Variants in SCAPER observed in about 807,000 individuals in gnomAD.
SCAPER encodes S-phase cyclin A associated protein in the ER.
In SCAPER, 98 loss-of-function variants were observed where a neutral mutation model predicts 182.2. That is an observed-to-expected ratio of 0.54 (90% confidence interval 0.46 to 0.64). The LOEUF is 0.64. SCAPER is among the 30% of genes least tolerant of loss of function. The probability of loss-of-function intolerance (pLI) is 0.00; values close to 1 mark genes in which losing one functional copy is unlikely to be tolerated. For synonymous variants in SCAPER, 605 were observed against 564.6 expected (o/e 1.07, Z -1.01); for missense variants, 1,432 against 1,690.0 (o/e 0.85, Z 2.68).
At chr15:76,631,665 G>A (rs1337554094) in intron 21 of SCAPER, among the ~76,000 whole-genome samples, 1 of 152,200 alleles carries the variant, frequency 6.6e-6, no homozygotes, top group African/African-American at 2.4e-5. Flanking sequence ...CTGTTAGTCT[G>A]ATGGGCTTCC....
In SCAPER at chr15:76,841,946, T is replaced by TA. The variant is rs1568310255; in HGVS notation, c.196-16dup. 6.3e-7 allele frequency: 1 copy of TA among 1,591,726 alleles called. No individual in the cohort carries two copies. The highest frequency in any genetic ancestry group is 8.5e-7 in the Non-Finnish European group (1 of 1,171,412). ...ACTGCAGTACTCTGGTGAAGTAAAA[T>TA]AAAACATGAAAATAAATAAATAAAA... is the stretch of plus-strand genomic sequence containing the variant. On this transcript the variant is annotated splice_polypyrimidine_tract_variant and intron_variant, in intron 4 of 31. Coordinates refer to ENST00000563290, the MANE Select transcript of SCAPER (RefSeq NM_020843.4).
intron 22 of SCAPER, among the ~76,000 whole-genome samples, chr15:76,582,542 C>T (rs1340703403): frequency 6.6e-6 from 1 of 152,140 alleles, no homozygotes; most frequent in Non-Finnish European, 1.5e-5. Context: ...TCAATGCAAT[C>T]TATCAAAATA....
chr15:76,432,725 C>T (rs780557537), intron 26 of SCAPER, among the ~76,000 whole-genome samples: 4 of 152,206 alleles, frequency 2.6e-5, no homozygotes, highest in Non-Finnish European at 5.9e-5. Context: ...TAGAAGGAAA[C>T]AGGGCTGACC....
chr15:76,483,295 CAAA>C (rs61261703), intron 24 of SCAPER, among the ~76,000 whole-genome samples: 25 of 132,986 alleles, frequency 1.9e-4, no homozygotes, highest in African/African-American at 2.5e-4. Flanking sequence ...TATTCACATG[CAAA>C]AAAAAAAAAA....
rs1027592593 is a variant in SCAPER at position 76,683,207 on chromosome 15, A to G, written c.2509-17418T>C. On this transcript the variant is annotated intron_variant, in intron 20 of 31. Transcript: ENST00000563290. ...AAATGAAACACTCATTTTATGAAAA[A>G]AAAAATTGATCTGATAGAGCTGAAA... Among the ~76,000 whole-genome samples the G allele has an allele frequency of 3.9e-5, 6 of 152,316 alleles. No individual in the cohort carries two copies. In the South Asian group the frequency reaches 1.2e-3, roughly 32 times the overall value.
chr15:76,876,438 CAA>C (rs33959211), intron 2 of SCAPER, among the ~76,000 whole-genome samples: 48,448 of 122,962 alleles, frequency 0.39, 9,707 homozygotes, highest in Middle Eastern at 0.54. Flanking sequence ...AAAACAAAAG[CAA>C]AAAAAAAAAA....
At chr15:76,722,448 A>C (rs1341187840) in intron 17 of SCAPER, among the ~76,000 whole-genome samples, 1 of 152,202 alleles carries the variant, frequency 6.6e-6, no homozygotes, top group Admixed American at 6.5e-5. Flanking sequence ...TCATAAAATG[A>C]GTTAGAGAGG....
chr15:76,435,304 G>A (rs1264696099), intron 25 of SCAPER, among the ~76,000 whole-genome samples: 4 of 152,124 alleles, frequency 2.6e-5, no homozygotes, highest in African/African-American at 9.7e-5. Context: ...AATATTCACA[G>A]CTAATCTACT....
In SCAPER at chr15:76,599,494, G is replaced by T. The variant is rs1333203165; in HGVS notation, c.2711+22270C>A. Among the ~76,000 whole-genome samples the T allele has an allele frequency of 1.6e-5, 2 of 121,628 alleles. 1 individual carries two copies. The allele number at this position is 121,628 out of a possible 152,430, so 79.8% of individuals were successfully genotyped here. ...AGAGCCCAAGTATCCATCATTAGTG[G>T]AATACACAAACAAATCAAGGCTACA... On this transcript the variant is annotated intron_variant, in intron 22 of 31. Coordinates refer to ENST00000563290, the MANE Select transcript of SCAPER (RefSeq NM_020843.4).
At chr15:76,383,375 G>A (rs774520317) in intron 27 of SCAPER, among the ~76,000 whole-genome samples, 12 of 152,038 alleles carry the variant, frequency 7.9e-5, no homozygotes, top group Non-Finnish European at 1.8e-4. Context: ...ATTTTACTTT[G>A]CTAGCTGCAT....
intron 2 of SCAPER, among the ~76,000 whole-genome samples, chr15:76,865,614 G>T (rs1489120866): frequency 1.3e-5 from 2 of 152,102 alleles, no homozygotes; most frequent in Admixed American, 6.6e-5. Context: ...GAGACAAATT[G>T]TGTTATGGTA....
intron 25 of SCAPER, among the ~76,000 whole-genome samples, chr15:76,466,419 C>CTTTTTTTTTTTT: frequency 8.3e-4 from 31 of 37,408 alleles, no homozygotes; most frequent in Non-Finnish European, 1.2e-3. Context: ...GTTGGTTCTT[C>CTTTTTTTTTTTT]TTTTTTTTTT....
At chr15:76,800,738 C>T (rs1451989266) in intron 6 of SCAPER, among the ~76,000 whole-genome samples, 2 of 152,212 alleles carry the variant, frequency 1.3e-5, no homozygotes, top group Non-Finnish European at 2.9e-5. Flanking sequence ...CTACTTGTCT[C>T]TGATGTCCTG....
chr15:76,724,285 C>A (rs528415908), intron 17 of SCAPER, among the ~76,000 whole-genome samples: 1 of 152,064 alleles, frequency 6.6e-6, no homozygotes, highest in East Asian at 1.9e-4. Flanking sequence ...GAGTTTCTGC[C>A]GAGAGATCAG....
chr15:76,883,990 C>A (rs887430054), intron 1 of SCAPER, 114 bp from the exon 2 acceptor site: 4 of 570,680 alleles, frequency 7.0e-6, no homozygotes, highest in Middle Eastern at 4.7e-4. Context: ...ACAAAAAAAA[C>A]TGCTCCTTTA....
In SCAPER at chr15:76,484,167, C is replaced by T. The variant is rs78492970; in HGVS notation, c.2955-12832G>A. ...GATTATTATTCAGCAATAAAAAGAA[C>T]TGAGCTATCAAGACACAGAGAGACA... On this transcript the variant is annotated intron_variant, in intron 24 of 31. Coordinates refer to ENST00000563290, the MANE Select transcript of SCAPER (RefSeq NM_020843.4). Among the ~76,000 whole-genome samples the T allele has an allele frequency of 7.6e-4, 115 of 152,154 alleles. 2 individuals are homozygous for T. The East Asian group carries it at 0.019, about 25-fold the overall frequency.
chr15:76,861,611 T>C (rs1176137189), intron 3 of SCAPER, among the ~76,000 whole-genome samples: 1 of 152,216 alleles, frequency 6.6e-6, no homozygotes, highest in Non-Finnish European at 1.5e-5. Flanking sequence ...GAGATGATTT[T>C]TTTTCTTGTT....
At chr15:76,513,562 A>G (rs1267786155) in intron 23 of SCAPER, among the ~76,000 whole-genome samples, 1 of 152,214 alleles carries the variant, frequency 6.6e-6, no homozygotes, top group African/African-American at 2.4e-5. Flanking sequence ...ATCTAGGTAG[A>G]CTTAAAGAAC....
At chr15:76,498,014 A>AAT (rs2040747114) in intron 24 of SCAPER, among the ~76,000 whole-genome samples, 1 of 149,088 alleles carries the variant, frequency 6.7e-6, no homozygotes, top group Non-Finnish European at 1.5e-5. Flanking sequence ...AAAAAAAAAA[A>AAT]AAAAAATAAG....
Sources: allele counts gnomAD v4.1 joint callset (sites outside exome capture counted in the v4.1 genomes callset), GRCh38; gene constraint gnomAD v4.1.1; transcripts MANE v1.5; gene names NCBI Gene and HGNC (gene_info 2026-07-23, HGNC 2026-07-21).